POLQ: variants seen among roughly 807,000 people sequenced by gnomAD.
POLQ encodes DNA polymerase theta.
Under a neutral mutation model 259.2 loss-of-function variants are expected in POLQ, and 233 were observed. That is an observed-to-expected ratio of 0.90 (90% CI 0.81 to 1.00). POLQ has a LOEUF of 1.00. Ranked by LOEUF, POLQ falls within the 50% of genes least tolerant of loss-of-function variation. POLQ has a pLI of 0.00. For synonymous variants in POLQ, 1,025 were observed against 1,048.8 expected (o/e 0.98, Z 0.44); for missense variants, 2,871 against 3,051.6 (o/e 0.94, Z 1.39).
At chr3:121,453,249 T>G (rs2047696163) in intron 25 of POLQ, among the ~76,000 whole-genome samples, 1 of 151,956 alleles carries the variant, frequency 6.6e-6, no homozygotes, top group African/African-American at 2.4e-5. Flanking sequence ...TACATCACCA[T>G]CATCAAAGAC....
At position 121,486,554 on chromosome 3, in the gene POLQ, A is replaced by AAAT. The variant is rs147855797; in HGVS notation, c.5629+745_5629+747dup. 2.1e-3 allele frequency among the ~76,000 whole-genome samples: 318 copies of AAAT among 151,028 alleles called. 2 individuals carry two copies. In the East Asian group the frequency reaches 0.03, roughly 14 times the overall value. The stretch of plus-strand genomic sequence containing the variant: ...GGCCAATAGCGAGATTCTGTCTAAA[A>AAAT]AATAATAATAATAATAATAATTCAT... On this transcript the variant is annotated intron_variant, in intron 16 of 29. Coordinates refer to ENST00000264233, the MANE Select transcript of POLQ (RefSeq NM_199420.4).
intron 28 of POLQ, 142 bp downstream of exon 28, chr3:121,435,977 TTAA>T (rs1169642641): frequency 1.9e-6 from 1 of 520,944 alleles, no homozygotes; most frequent in African/African-American, 1.9e-5. Flanking sequence ...TTTGAAATCC[TTAA>T]TAATTTCTAA....
intron 8 of POLQ, 51 bp downstream of exon 8, chr3:121,521,952 C>T: frequency 8.2e-7 from 1 of 1,224,504 alleles, no homozygotes; most frequent in South Asian, 1.5e-5. Flanking sequence ...AAAGTTAAGA[C>T]AGTATGAGGA....
rs1365547447 is a variant in POLQ, at chr3:121,490,352, C to T, written c.2579G>A (p.Arg860Gln). Residue 860 changes from arginine (R) to glutamine (Q), a missense_variant, in exon 16 of 30, where the codon CGA becomes CAA. By Grantham distance (43) the Arg-to-Gln change is conservative (BLOSUM62 1). Coordinates refer to ENST00000264233, the MANE Select transcript of POLQ (RefSeq NM_199420.4). ...TTTTCTGCCAGTCACCCAGATAGTT[C>T]GCATATTGCGACGTTCTTCAACTGC... ...EEAVEERRNM[R>Q]TIWVTGRKGL... 5 of 1,614,214 alleles carry T rather than the reference C, an allele frequency of 3.1e-6. No homozygotes were observed. The highest frequency in any genetic ancestry group is 1.1e-5 in the South Asian group (1 of 91,084).
intron 25 of POLQ, among the ~76,000 whole-genome samples, chr3:121,452,695 G>T (rs892216665): frequency 6.6e-6 from 1 of 152,108 alleles, no homozygotes; most frequent in Non-Finnish European, 1.5e-5. Context: ...CCCAATGCCC[G>T]CCATTGCCCA....
chr3:121,499,713 G>A (rs1045104074), intron 12 of POLQ, among the ~76,000 whole-genome samples: 21 of 152,032 alleles, frequency 1.4e-4, no homozygotes, highest in Non-Finnish European at 2.8e-4. Flanking sequence ...AAAATGTCAA[G>A]ATTCAACAAA....
At chr3:121,539,097 C>A (rs890185243) in intron 4 of POLQ, among the ~76,000 whole-genome samples, 4 of 152,136 alleles carry the variant, frequency 2.6e-5, no homozygotes, top group Non-Finnish European at 5.9e-5. Flanking sequence ...AACCCATATA[C>A]ACTAACCACA....
At chr3:121,529,509 G>A in intron 7 of POLQ, 136 bp downstream of exon 7, 1 of 795,018 alleles carries the variant, frequency 1.3e-6, no homozygotes, top group Non-Finnish European at 2.1e-6. Flanking sequence ...AGCACAGTTT[G>A]GTAAAAAGGA....
intron 7 of POLQ, among the ~76,000 whole-genome samples, chr3:121,525,938 C>T (rs1206627894): frequency 3.3e-5 from 5 of 152,068 alleles, no homozygotes; most frequent in Non-Finnish European, 7.4e-5. Context: ...TTCGTTCATA[C>T]CTCCACCTTT....
chr3:121,436,746 G>A (rs907534813), intron 27 of POLQ, among the ~76,000 whole-genome samples: 3 of 151,744 alleles, frequency 2.0e-5, no homozygotes, highest in Non-Finnish European at 2.9e-5. Flanking sequence ...AGCCCTGCAG[G>A]TATGGAGCCC....
chr3:121,545,409 G>T (rs2048524784), intron 1 of POLQ, among the ~76,000 whole-genome samples: 1 of 152,196 alleles, frequency 6.6e-6, no homozygotes, highest in Non-Finnish European at 1.5e-5. Context: ...GGTCTGTAAG[G>T]AGTACTGGGT....
chr3:121,529,624 T>G, intron 7 of POLQ, 21 bp downstream of exon 7: 1 of 1,609,194 alleles, frequency 6.2e-7, no homozygotes. Flanking sequence ...ATGAAGGCTT[T>G]CCTTTCCATC....
chr3:121,503,272 T>C (rs377460580), intron 12 of POLQ, among the ~76,000 whole-genome samples: 81 of 152,364 alleles, frequency 5.3e-4, no homozygotes, highest in African/African-American at 1.9e-3. Context: ...CCTAGGTGTG[T>C]AGCAGGCTAT....
chr3:121,520,648 G>A (rs532036620), intron 8 of POLQ, among the ~76,000 whole-genome samples: 9 of 152,134 alleles, frequency 5.9e-5, no homozygotes, highest in Non-Finnish European at 1.2e-4. Context: ...GCAGGTCTCC[G>A]CTGCAACTAT....
rs1360373810 is a variant in POLQ at position 121,487,484 on chromosome 3, G to A, written c.5447C>T (p.Thr1816Ile). ...ACTTTCTGAACTGCTTGAGGCTGGA[G>A]TTAACTGTAATCCATCCTGTGATAA... ...LQLSQDGLQL[T>I]PASSSSESLS... The change falls in exon 16 of 30, where the codon ACT (threonine) becomes ATT (isoleucine). Residue 1816 changes from threonine to isoleucine, a missense_variant. By Grantham distance (89) the Thr-to-Ile change is moderately conservative. This residue lies in a region of POLQ where 2,080 missense variants were observed against 2,126.0 expected (regional missense o/e 0.98). Transcript: ENST00000264233. 6.2e-7 allele frequency: 1 copy of A among 1,614,076 alleles called. No homozygotes were observed. The highest frequency in any genetic ancestry group is 8.5e-7 in the Non-Finnish European group (1 of 1,179,974).
intron 15 of POLQ, among the ~76,000 whole-genome samples, chr3:121,493,175 G>GTGCA (rs2048084147): frequency 1.3e-5 from 2 of 151,834 alleles, no homozygotes; most frequent in Non-Finnish European, 2.9e-5. Context: ...GGTGGTGGGT[G>GTGCA]CCTATAATCC....
At chr3:121,469,581 G>A (rs1284661219) in intron 22 of POLQ, among the ~76,000 whole-genome samples, 1 of 152,170 alleles carries the variant, frequency 6.6e-6, no homozygotes, top group East Asian at 1.9e-4. Flanking sequence ...CCTGTTCAGT[G>A]TTACAAAGCT....
At chr3:121,438,537 C>T (rs1249115187) in intron 27 of POLQ, among the ~76,000 whole-genome samples, 1 of 152,046 alleles carries the variant, frequency 6.6e-6, no homozygotes, top group Non-Finnish European at 1.5e-5. Context: ...AATTATATAC[C>T]CCTATGTGAC....
Position 121,493,637 on chromosome 3 carries a change from C to T in POLQ, c.2363G>A (p.Gly788Asp). The T allele has an allele frequency of 6.2e-7, 1 of 1,614,024 alleles. No individual in the cohort carries two copies. The highest frequency in any genetic ancestry group is 8.5e-7 in the Non-Finnish European group (1 of 1,179,940). Residue 788 changes from glycine (G) to aspartate (D), a missense_variant, in exon 15 of 30, where the codon GGC (glycine) becomes GAC (aspartate). Physicochemically the swap from Gly to Asp is moderately conservative, Grantham distance 94 (BLOSUM62 -1). Around this residue, in one of 3 missense-constraint regions of POLQ, gnomAD observed 2,080 missense variants for 2,126.0 expected, o/e 0.98. Coordinates refer to ENST00000264233, the MANE Select transcript of POLQ (RefSeq NM_199420.4). ...CAGGTCACACAGCTCCCTCTGGATG[C>T]CAAACGTAAGACGCTTCTGAAATTG... ...LSQFQKRLTF[G>D]IQRELCDLVR...
Sources: gnomAD v4.1 joint callset for allele counts (sites outside exome capture counted in the v4.1 genomes callset) on GRCh38, gnomAD v4.1.1 for gene constraint, gnomAD v4.1.1 regional missense constraint, MANE v1.5 for transcripts, NCBI Gene and HGNC (gene_info 2026-07-23, HGNC 2026-07-21) for gene names.